The following PHF14 variants were observed in gnomAD, a reference collection of about 807,000 sequenced individuals.
PHF14 encodes PHD finger protein 14.
In PHF14, 55 loss-of-function variants were observed where a neutral mutation model predicts 117.9. The observed-to-expected ratio is 0.47, with a 90% CI of 0.38 to 0.58. The LOEUF (loss-of-function observed/expected upper bound fraction) is 0.58, where lower values mean the gene tolerates loss of function less well. Among genes scored for constraint, PHF14 ranks in the 20% least tolerant of loss-of-function variants. PHF14 has a pLI of 0.00. For missense variants in PHF14, 978 were observed against 1,122.2 expected (o/e 0.87, Z 1.84); for synonymous variants, 409 against 368.6 (o/e 1.11, Z -1.26).
In PHF14 at chr7:11,036,398, T is replaced by C; in HGVS notation, c.1603-20T>C. ...TTTCATTTTATTATCTTTTAAAATT[T>C]GAATACATTTCTTTTATAGGCAAGG... On this transcript the variant is annotated intron_variant, in intron 8 of 17. Coordinates refer to ENST00000634607, the MANE Select transcript of PHF14 (RefSeq NM_001007157.2). The C allele has an allele frequency of 6.4e-7, 1 of 1,557,996 alleles. No homozygotes were observed.
chr7:11,038,209 C>T (rs139941640), intron 10 of PHF14, among the ~76,000 whole-genome samples: 18 of 151,840 alleles, frequency 1.2e-4, no homozygotes, highest in Admixed American at 8.5e-4. Flanking sequence ...GTCAAGAGAT[C>T]GAGACCATCC....
intron 3 of PHF14, among the ~76,000 whole-genome samples, chr7:10,985,588 A>AACTT (rs779161704): frequency 3.6e-4 from 54 of 148,120 alleles, no homozygotes; most frequent in Non-Finnish European, 7.9e-4. Flanking sequence ...TAATGGCCTT[A>AACTT]ACAACATGCT....
intron 16 of PHF14, chr7:11,063,267 A>C (rs565052155): frequency 6.1e-6 from 6 of 984,924 alleles, no homozygotes; most frequent in Admixed American, 6.2e-5. Flanking sequence ...CTGAAGGTTA[A>C]GTTTATTAAA....
intron 16 of PHF14, among the ~76,000 whole-genome samples, chr7:11,067,961 C>CT (rs1785478877): frequency 6.6e-6 from 1 of 152,076 alleles, no homozygotes; most frequent in Non-Finnish European, 1.5e-5. Flanking sequence ...TTAGGACCCC[C>CT]CTAAAGTGGG....
intron 17 of PHF14, among the ~76,000 whole-genome samples, chr7:11,123,374 TTTAC>T (rs1787828883): frequency 6.6e-6 from 1 of 152,206 alleles, no homozygotes; most frequent in African/African-American, 2.4e-5. Flanking sequence ...TTAACTGACA[TTTAC>T]TTAAGTAGGC....
rs1195520619 is a variant in PHF14, at chr7:11,149,478, C to A, written c.2773-19938C>A. Among the ~76,000 whole-genome samples the A allele has an allele frequency of 2.0e-5, 3 of 152,088 alleles. No individual in the cohort carries two copies. The East Asian group carries it at 5.8e-4, about 29-fold the overall frequency. On this transcript the variant is annotated intron_variant, in intron 17 of 17. Coordinates refer to ENST00000634607, the MANE Select transcript of PHF14 (RefSeq NM_001007157.2). The stretch of plus-strand genomic sequence containing the variant: ...AAATGATTTTTAAATAAGATACCTT[C>A]TAGCTCTCAAATCTTATGGCCCTTT...
In PHF14 at chr7:10,992,933, T is replaced by A. The variant is rs530071612; in HGVS notation, c.1045+2086T>A. Among the ~76,000 whole-genome samples, 6 of 152,186 alleles carry A rather than the reference T, an allele frequency of 3.9e-5. No homozygotes were observed. The East Asian group carries it at 7.7e-4, about 20-fold the overall frequency. On this transcript the variant is annotated intron_variant, in intron 4 of 17. Coordinates refer to ENST00000634607, the MANE Select transcript of PHF14 (RefSeq NM_001007157.2). ...ATTTTTAAATATATAGTCCAGTTTT[T>A]TTTATTTTGGTTTGTTTTTACAGAA... is the stretch of plus-strand genomic sequence containing the variant.
In PHF14 at chr7:11,079,276, T is replaced by C. The variant is rs187501294; in HGVS notation, c.2654+17191T>C. Among the ~76,000 whole-genome samples, 32 of 152,318 alleles carry C rather than the reference T, an allele frequency of 2.1e-4. No homozygotes were observed. In the East Asian group the frequency reaches 6.0e-3, roughly 28 times the overall value. Reference sequence around the variant, plus strand: ...AGGTTGTCTTTGTGAGATGGCTCGGTAGCTGGCTTTTGCCATGGCATATAA... The same window carrying C: ...AGGTTGTCTTTGTGAGATGGCTCGGCAGCTGGCTTTTGCCATGGCATATAA... On this transcript the variant is annotated intron_variant, in intron 16 of 17. Coordinates refer to ENST00000634607, the MANE Select transcript of PHF14 (RefSeq NM_001007157.2).
intron 14 of PHF14, among the ~76,000 whole-genome samples, chr7:11,052,390 T>G (rs868455602): frequency 6.6e-6 from 1 of 152,324 alleles, no homozygotes; most frequent in African/African-American, 2.4e-5. Context: ...TTTTGCTTTG[T>G]TGATGGGCAG....
chr7:11,031,080 A>G (rs1400039045), intron 7 of PHF14, among the ~76,000 whole-genome samples: 1 of 152,162 alleles, frequency 6.6e-6, no homozygotes, highest in Non-Finnish European at 1.5e-5. Context: ...GTTTGTGAGC[A>G]TATCTTGCCT....
intron 17 of PHF14, among the ~76,000 whole-genome samples, chr7:11,121,392 C>G (rs1456089637): frequency 1.3e-5 from 2 of 152,156 alleles, no homozygotes; most frequent in Non-Finnish European, 2.9e-5. Context: ...GAAATGTTTA[C>G]TAATTCTCCG....
intron 14 of PHF14, among the ~76,000 whole-genome samples, chr7:11,054,028 A>G (rs1784935088): frequency 6.6e-6 from 1 of 152,118 alleles, no homozygotes; most frequent in African/African-American, 2.4e-5. Flanking sequence ...AGCTCCAAAA[A>G]AAAAAAATCC....
At chr7:11,076,134 C>T (rs572841995) in intron 16 of PHF14, among the ~76,000 whole-genome samples, 11 of 152,200 alleles carry the variant, frequency 7.2e-5, no homozygotes, top group African/African-American at 1.9e-4. Flanking sequence ...GAGAAAGTTG[C>T]GTAACTAGAA....
In PHF14 at chr7:11,013,655, C is replaced by T. The variant is rs187206516; in HGVS notation, c.1046-92C>T. 4,250 of 597,774 alleles carry T rather than the reference C, an allele frequency of 7.1e-3. 27 individuals carry two copies. The highest frequency in any genetic ancestry group is 0.012 in the Admixed American group (380 of 30,880). 37.0% of individuals were successfully genotyped at this position (597,774 alleles called of 1,614,324 possible). On this transcript the variant is annotated intron_variant, in intron 4 of 17. Transcript: ENST00000634607. ...AACCATTGGTGTTTCATATCTTTTT[C>T]CTCATCTCTTTGCTATTCTTTTTCT...
intron 13 of PHF14, among the ~76,000 whole-genome samples, chr7:11,046,039 A>AAAT: frequency 6.6e-6 from 1 of 152,302 alleles, no homozygotes; most frequent in Non-Finnish European, 1.5e-5. Flanking sequence ...AGTAAAGAAT[A>AAAT]TTATTAATAG....
chr7:11,038,882 C>T (rs1243571272), intron 11 of PHF14, 27 bp downstream of exon 11: 1 of 1,070,280 alleles, frequency 9.3e-7, no homozygotes, highest in African/African-American at 1.6e-5. Flanking sequence ...TTGCTGTCTC[C>T]TTCAGTTCTT....
intron 16 of PHF14, among the ~76,000 whole-genome samples, chr7:11,072,519 A>G (rs1313304425): frequency 6.6e-6 from 1 of 152,206 alleles, no homozygotes; most frequent in Non-Finnish European, 1.5e-5. Flanking sequence ...TTATCTATAA[A>G]ATAGCAATAA....
At chr7:11,042,899 T>C in intron 13 of PHF14, 85 bp downstream of exon 13, 1 of 927,932 alleles carries the variant, frequency 1.1e-6, no homozygotes, top group Non-Finnish European at 1.6e-6. Context: ...TATTTGTTCA[T>C]AATAAAGTAT....
chr7:11,042,009 G>A (rs569667513), intron 12 of PHF14, among the ~76,000 whole-genome samples: 1 of 151,778 alleles, frequency 6.6e-6, no homozygotes, highest in African/African-American at 2.4e-5. Flanking sequence ...TTGCCTTTTT[G>A]CATAAGAGAA....
Sources: allele counts gnomAD v4.1 joint callset (sites outside exome capture counted in the v4.1 genomes callset), GRCh38; gene constraint gnomAD v4.1.1; transcripts MANE v1.5; gene names NCBI Gene and HGNC (gene_info 2026-07-23, HGNC 2026-07-21).